RARB: variants seen among roughly 807,000 people sequenced by gnomAD.
RARB encodes the protein retinoic acid receptor beta.
Under a neutral mutation model 51.9 loss-of-function variants are expected in RARB, and 17 were observed. That is an observed-to-expected ratio of 0.33 (90% CI 0.22 to 0.49). The LOEUF (loss-of-function observed/expected upper bound fraction) is 0.49. Among genes scored for constraint, RARB ranks in the 20% least tolerant of loss-of-function variants. The pLI is 0.99. For missense variants in RARB, 369 were observed against 550.8 expected (o/e 0.67, Z 3.30); for synonymous variants, 215 against 195.4 (o/e 1.10, Z -0.84).
intron 1 of RARB, among the ~76,000 whole-genome samples, chr3:25,432,348 T>C (rs893753422): frequency 3.9e-5 from 6 of 152,214 alleles, no homozygotes; most frequent in African/African-American, 1.2e-4. Flanking sequence ...AACTAAACAG[T>C]AGAAAGGTAG....
intron 4 of RARB, among the ~76,000 whole-genome samples, chr3:25,173,274 A>G (rs1700677111): frequency 6.6e-6 from 1 of 152,340 alleles, no homozygotes; most frequent in South Asian, 2.1e-4. Flanking sequence ...TATGACCTCA[A>G]TCAATAGTTG....
intron 5 of RARB, among the ~76,000 whole-genome samples, chr3:25,225,130 C>T (rs1436246): frequency 0.11 from 16,280 of 152,162 alleles, 1,034 homozygotes; most frequent in South Asian, 0.26. Flanking sequence ...AACTCTGACT[C>T]CCTTCATCTC....
intron 2 of RARB, among the ~76,000 whole-genome samples, chr3:24,960,359 G>A (rs1696111595): frequency 6.6e-6 from 1 of 152,200 alleles, no homozygotes; most frequent in Non-Finnish European, 1.5e-5. Context: ...ATGTTGAGAT[G>A]TGTTTCTTGG....
chr3:25,016,523 G>A (rs548023108), intron 2 of RARB, among the ~76,000 whole-genome samples: 1 of 152,232 alleles, frequency 6.6e-6, no homozygotes, highest in South Asian at 2.1e-4. Context: ...TGTTAAGAAT[G>A]TTCCAACGTT....
intron 5 of RARB, among the ~76,000 whole-genome samples, chr3:25,408,822 T>C (rs1482185278): frequency 1.3e-5 from 2 of 151,806 alleles, no homozygotes; most frequent in African/African-American, 4.8e-5. Context: ...GATCACGAGG[T>C]AAGGAATTCA....
At chr3:24,965,564 C>G (rs1005627102) in intron 2 of RARB, among the ~76,000 whole-genome samples, 34 of 152,260 alleles carry the variant, frequency 2.2e-4, no homozygotes, top group African/African-American at 7.9e-4. Flanking sequence ...CATTTGAATT[C>G]CAATACTACC....
intron 5 of RARB, among the ~76,000 whole-genome samples, chr3:25,196,422 A>G (rs1015222138): frequency 2.6e-5 from 4 of 152,162 alleles, no homozygotes; most frequent in African/African-American, 9.7e-5. Flanking sequence ...ATGGCTGCAT[A>G]GTATTCCACA....
chr3:25,107,937 T>G (rs1025131042), intron 3 of RARB, among the ~76,000 whole-genome samples: 5 of 152,196 alleles, frequency 3.3e-5, no homozygotes, highest in Non-Finnish European at 5.9e-5. Flanking sequence ...TTATAGCTTC[T>G]CTGTGGCATA....
intron 5 of RARB, among the ~76,000 whole-genome samples, chr3:25,339,939 A>C (rs1705180177): frequency 6.6e-6 from 1 of 152,190 alleles, no homozygotes. Context: ...ATTTCTAAAA[A>C]ATAAGTAAGA....
chr3:25,411,225 T>A (rs1436733886), intron 5 of RARB, among the ~76,000 whole-genome samples: 1 of 152,234 alleles, frequency 6.6e-6, no homozygotes, highest in Non-Finnish European at 1.5e-5. Context: ...CACTGGAAGA[T>A]AAGATGAAGA....
At chr3:25,593,386 G>C (rs1701689833) in intron 5 of RARB, 117 bp from the exon 6 acceptor site, 4 of 921,778 alleles carry the variant, frequency 4.3e-6, no homozygotes, top group Non-Finnish European at 6.7e-6. Flanking sequence ...ATGTGAAAGG[G>C]GGACAGACTG....
intron 2 of RARB, among the ~76,000 whole-genome samples, chr3:25,043,637 GT>G (rs967396616): frequency 6.6e-6 from 1 of 151,876 alleles, no homozygotes; most frequent in Non-Finnish European, 1.5e-5. Flanking sequence ...GCGTTACAGG[GT>G]TTTTTTTAAA....
At chr3:25,354,961 T>C (rs974152517) in intron 5 of RARB, among the ~76,000 whole-genome samples, 18 of 152,026 alleles carry the variant, frequency 1.2e-4, no homozygotes, top group African/African-American at 4.3e-4. Flanking sequence ...ACACTCTGCA[T>C]TCAGGCTATC....
intron 2 of RARB, among the ~76,000 whole-genome samples, chr3:24,971,770 T>C (rs1008581575): frequency 1.3e-5 from 2 of 151,986 alleles, no homozygotes; most frequent in Non-Finnish European, 1.5e-5. Context: ...ATTTGGTGTA[T>C]AAAATACAAA....
At chr3:25,217,504 CA>C (rs988465464) in intron 5 of RARB, among the ~76,000 whole-genome samples, 2 of 151,972 alleles carry the variant, frequency 1.3e-5, no homozygotes, top group African/African-American at 2.4e-5. Flanking sequence ...CCACCCCCCC[CA>C]ATTCTGATCC....
chr3:25,327,228 T>G (rs1704746640), intron 5 of RARB, among the ~76,000 whole-genome samples: 1 of 152,064 alleles, frequency 6.6e-6, no homozygotes, highest in African/African-American at 2.4e-5. Context: ...AAATTATTTT[T>G]TTTTAAAAAA....
At chr3:24,904,179 G>T (rs1553612539) in intron 2 of RARB, among the ~76,000 whole-genome samples, 1 of 152,112 alleles carries the variant, frequency 6.6e-6, no homozygotes, top group Non-Finnish European at 1.5e-5. Flanking sequence ...ACTTCCAACT[G>T]TCTTATCTTT....
At chr3:25,215,782 C>G (rs1701820578) in intron 5 of RARB, among the ~76,000 whole-genome samples, 1 of 152,110 alleles carries the variant, frequency 6.6e-6, no homozygotes, top group Non-Finnish European at 1.5e-5. Flanking sequence ...AAGAGGCCAC[C>G]TGGGTCTTAC....
At chr3:25,323,675 C>T (rs932560287) in intron 5 of RARB, among the ~76,000 whole-genome samples, 4 of 152,182 alleles carry the variant, frequency 2.6e-5, no homozygotes, top group Admixed American at 6.5e-5. Flanking sequence ...AAAACCCACA[C>T]TGTCCTAGAT....
Sources: allele counts gnomAD v4.1 joint callset (sites outside exome capture counted in the v4.1 genomes callset), GRCh38; gene constraint gnomAD v4.1.1; transcripts MANE v1.5; gene names NCBI Gene and HGNC (gene_info 2026-07-23, HGNC 2026-07-21).